GRIK2: variants seen among roughly 807,000 people sequenced by gnomAD.
GRIK2 encodes glutamate receptor ionotropic, kainate 2.
In GRIK2, 32 loss-of-function variants were observed where a neutral mutation model predicts 100.3. The observed-to-expected ratio is 0.32, with a 90% confidence interval of 0.24 to 0.43. The LOEUF (loss-of-function observed/expected upper bound fraction) is 0.43, where lower values mean the gene tolerates loss of function less well. GRIK2 is among the 20% of genes least tolerant of loss of function. GRIK2 has a pLI of 1.00. For missense variants in GRIK2, 843 were observed against 1,114.9 expected, an observed-to-expected ratio of 0.76 and a Z score of 3.47; for synonymous variants, 417 against 389.4, an observed-to-expected ratio of 1.07 and a Z score of -0.83.
intron 2 of GRIK2, among the ~76,000 whole-genome samples, chr6:101,401,902 C>A (rs1260859182): frequency 6.6e-6 from 1 of 152,206 alleles, no homozygotes; most frequent in Non-Finnish European, 1.5e-5. Flanking sequence ...GAGGCAGCAT[C>A]CAGTGTCCCT....
At chr6:101,836,251 A>G (rs1783083117) in intron 10 of GRIK2, among the ~76,000 whole-genome samples, 1 of 152,120 alleles carries the variant, frequency 6.6e-6, no homozygotes. Context: ...TATAGAATTA[A>G]AAATGAATTT....
chr6:102,019,004 A>G (rs988281099), intron 14 of GRIK2, among the ~76,000 whole-genome samples: 3 of 152,028 alleles, frequency 2.0e-5, no homozygotes, highest in African/African-American at 7.2e-5. Flanking sequence ...ATAGTTTTGT[A>G]TTGTGTTTTC....
In GRIK2 at chr6:101,765,990, A is replaced by T. The variant is rs558427435; in HGVS notation, c.952-33658A>T. On this transcript the variant is annotated intron_variant, in intron 7 of 16. Transcript: ENST00000369134. Reference sequence around the variant, plus strand: ...AAAAAATGTTGCATATGAGTTTAATATCATTAACATTTAAACTGTTCTTGA... The same window carrying T: ...AAAAAATGTTGCATATGAGTTTAATTTCATTAACATTTAAACTGTTCTTGA... 3.9e-5 allele frequency among the ~76,000 whole-genome samples: 6 copies of T among 152,256 alleles called. No individual in the cohort carries two copies. The South Asian group carries it at 1.2e-3, about 32-fold the overall frequency.
intron 14 of GRIK2, among the ~76,000 whole-genome samples, chr6:102,003,257 G>T (rs1795042094): frequency 6.6e-6 from 1 of 151,242 alleles, no homozygotes; most frequent in African/African-American, 2.4e-5. Context: ...ATTTATATAT[G>T]GGATAAATGG....
chr6:101,937,018 A>T (rs893641902), intron 14 of GRIK2, among the ~76,000 whole-genome samples: 1 of 152,136 alleles, frequency 6.6e-6, no homozygotes, highest in Non-Finnish European at 1.5e-5. Context: ...AGGAGCAGCA[A>T]CTTTTATCTT....
chr6:101,712,806 T>C (rs1297926989), intron 7 of GRIK2, among the ~76,000 whole-genome samples: 1 of 151,836 alleles, frequency 6.6e-6, no homozygotes, highest in East Asian at 1.9e-4. Context: ...ATTTACAGTT[T>C]CCAATTGGAC....
intron 7 of GRIK2, among the ~76,000 whole-genome samples, chr6:101,777,921 T>G (rs1173673754): frequency 6.6e-6 from 1 of 152,196 alleles, no homozygotes; most frequent in African/African-American, 2.4e-5. Flanking sequence ...GCTGACAGAT[T>G]TGGTTCACTG....
At chr6:101,624,915 TTTTG>T (rs1364591611) in intron 3 of GRIK2, among the ~76,000 whole-genome samples, 6 of 151,986 alleles carry the variant, frequency 3.9e-5, no homozygotes, top group Non-Finnish European at 8.8e-5. Flanking sequence ...TTTTGTTTCT[TTTTG>T]TTTGTTTGTT....
chr6:101,681,842 G>A (rs1316190460), intron 5 of GRIK2, among the ~76,000 whole-genome samples: 1 of 152,118 alleles, frequency 6.6e-6, no homozygotes, highest in Non-Finnish European at 1.5e-5. Context: ...GCCAACTGCT[G>A]TTCATTGATA....
chr6:101,576,843 T>C (rs1205858949), intron 2 of GRIK2, among the ~76,000 whole-genome samples: 2 of 152,054 alleles, frequency 1.3e-5, no homozygotes, highest in Admixed American at 1.3e-4. Context: ...TCTAAGTGTT[T>C]TGTTGTGGCA....
rs1051277743 is a variant in GRIK2 at position 101,667,831 on chromosome 6, C to T, written c.542-8792C>T. Among the ~76,000 whole-genome samples, 7 of 152,174 alleles carry T rather than the reference C, an allele frequency of 4.6e-5. No individual in the cohort carries two copies. In the South Asian group the frequency reaches 1.2e-3, roughly 27 times the overall value. The stretch of plus-strand genomic sequence containing the variant: ...ATTATATAATCCCACCATGCCTATC[C>T]CACCACCTGGGTCAGATCCCGTATT... On this transcript the variant is annotated intron_variant, in intron 4 of 16. Transcript: ENST00000369134.
chr6:101,769,877 C>A (rs1035153746), intron 7 of GRIK2, among the ~76,000 whole-genome samples: 7 of 152,150 alleles, frequency 4.6e-5, no homozygotes, highest in Non-Finnish European at 1.0e-4. Flanking sequence ...TTATATAATT[C>A]TTCTGAAATA....
rs1426237861 is a variant in GRIK2 at position 102,068,790 on chromosome 6, C to T, written c.*279C>T. The T allele has an allele frequency of 4.1e-6, 1 of 241,870 alleles. No individual in the cohort carries two copies. Among genetic ancestry groups the T allele is most frequent in the African/African-American group, 2.3e-5 (1 of 44,254 alleles). The allele number at this position is 241,870 out of a possible 1,614,324, so 15.0% of individuals were successfully genotyped here. A position where few individuals can be genotyped will look rare whatever the true frequency, so the allele number is the denominator to read the frequency against. ...AACATGCGCATTTTGTGGCTGATTT[C>T]AAATGCAGTCCAGTGAGAAATTACA... On this transcript the variant is annotated 3_prime_UTR_variant, in exon 17 of 17. Coordinates refer to ENST00000369134, the MANE Select transcript of GRIK2 (RefSeq NM_021956.5).
chr6:101,968,362 AT>A (rs1562074451), intron 14 of GRIK2, among the ~76,000 whole-genome samples: 2 of 152,044 alleles, frequency 1.3e-5, no homozygotes, highest in Non-Finnish European at 2.9e-5. Context: ...AGTTAAAGCA[AT>A]TTTTTTCTTT....
chr6:102,067,933 T>C (rs1355866363), intron 16 of GRIK2, among the ~76,000 whole-genome samples: 1 of 151,972 alleles, frequency 6.6e-6, no homozygotes, highest in Non-Finnish European at 1.5e-5. Context: ...TCTCATCTTG[T>C]GATCTGAAAA....
chr6:101,522,813 T>C (rs2128281980), intron 2 of GRIK2, among the ~76,000 whole-genome samples: 1 of 152,122 alleles, frequency 6.6e-6, no homozygotes, highest in Non-Finnish European at 1.5e-5. Flanking sequence ...GTAAGCTCCA[T>C]GGCTCCATGA....
chr6:101,418,229 G>A (rs1054227854), intron 2 of GRIK2, among the ~76,000 whole-genome samples: 39 of 152,306 alleles, frequency 2.6e-4, no homozygotes, highest in African/African-American at 8.7e-4. Flanking sequence ...GTAACAGACA[G>A]TATTTTAGCA....
At chr6:101,915,846 A>T (rs1789067315) in intron 12 of GRIK2, among the ~76,000 whole-genome samples, 1 of 151,488 alleles carries the variant, frequency 6.6e-6, no homozygotes, top group African/African-American at 2.4e-5. Flanking sequence ...AAAAATAAGC[A>T]ATCTATCCCG....
At chr6:101,823,826 G>A (rs1782120744) in intron 10 of GRIK2, among the ~76,000 whole-genome samples, 1 of 150,474 alleles carries the variant, frequency 6.6e-6, no homozygotes, top group South Asian at 2.1e-4. Flanking sequence ...GGGTTTTCGG[G>A]GGAACAGGTG....
Sources: allele counts gnomAD v4.1 joint callset (sites outside exome capture counted in the v4.1 genomes callset), GRCh38; gene constraint gnomAD v4.1.1; transcripts MANE v1.5; gene names NCBI Gene and HGNC (gene_info 2026-07-23, HGNC 2026-07-21).